MGLL: variants seen among roughly 807,000 people sequenced by gnomAD.
MGLL encodes monoglyceride lipase.
MGLL carries 7 observed loss-of-function variants against 29.1 expected under a neutral mutation model. That is an observed-to-expected ratio of 0.24 (90% CI 0.14 to 0.45). The LOEUF is 0.45. Among genes scored for constraint, MGLL ranks in the 20% least tolerant of loss-of-function variants. The pLI, the probability that MGLL is intolerant of heterozygous loss-of-function variation, is 0.99. For synonymous variants in MGLL, 148 were observed against 168.3 expected (o/e 0.88, Z 0.93); for missense variants, 356 against 413.6 (o/e 0.86, Z 1.21).
intron 2 of MGLL, among the ~76,000 whole-genome samples, chr3:127,794,448 G>A (rs1349418998): frequency 6.6e-6 from 1 of 152,104 alleles, no homozygotes; most frequent in Non-Finnish European, 1.5e-5. Context: ...TATGATGTAA[G>A]GATGTCTTAT....
intron 3 of MGLL, among the ~76,000 whole-genome samples, chr3:127,770,139 C>T (rs909992190): frequency 1.3e-5 from 2 of 152,228 alleles, no homozygotes; most frequent in Non-Finnish European, 2.9e-5. Context: ...CTTTCCACCT[C>T]AGCCTCCCAA....
At chr3:127,751,257 G>T (rs530990073) in intron 3 of MGLL, among the ~76,000 whole-genome samples, 1 of 152,170 alleles carries the variant, frequency 6.6e-6, no homozygotes, top group South Asian at 2.1e-4. Context: ...ATTTGCACCT[G>T]TCCATGCCGC....
At chr3:127,701,021 C>T (rs2075469573) in intron 6 of MGLL, among the ~76,000 whole-genome samples, 1 of 152,006 alleles carries the variant, frequency 6.6e-6, no homozygotes, top group Non-Finnish European at 1.5e-5. Context: ...TCAGAACCAG[C>T]CTGGGCAACA....
chr3:127,784,679 G>A (rs2077183932), intron 2 of MGLL, among the ~76,000 whole-genome samples: 1 of 152,106 alleles, frequency 6.6e-6, no homozygotes, highest in Non-Finnish European at 1.5e-5. Context: ...CCCACCTTTG[G>A]ACACCTGGAC....
At chr3:127,759,205 G>A (rs1576558125) in intron 3 of MGLL, among the ~76,000 whole-genome samples, 1 of 152,282 alleles carries the variant, frequency 6.6e-6, no homozygotes, top group East Asian at 1.9e-4. Context: ...GATTACAGGC[G>A]TGAGCCACTG....
chr3:127,727,031 T>C (rs998667804), intron 3 of MGLL, among the ~76,000 whole-genome samples: 2 of 152,238 alleles, frequency 1.3e-5, no homozygotes, highest in African/African-American at 2.4e-5. Context: ...TTGTTTGCTA[T>C]GTTCCTTTAG....
chr3:127,818,311 G>C (rs1158532109), intron 2 of MGLL, among the ~76,000 whole-genome samples: 1 of 152,140 alleles, frequency 6.6e-6, no homozygotes. Flanking sequence ...AGCCAGTCAG[G>C]CAAGGGCATA....
intron 2 of MGLL, among the ~76,000 whole-genome samples, chr3:127,793,152 A>T (rs1164725537): frequency 6.6e-6 from 1 of 152,216 alleles, no homozygotes; most frequent in African/African-American, 2.4e-5. Flanking sequence ...GAAATAAAGC[A>T]ATCGGAGTCG....
intron 2 of MGLL, 105 bp downstream of exon 2, chr3:127,821,589 C>A: frequency 7.7e-7 from 1 of 1,301,480 alleles, no homozygotes; most frequent in Non-Finnish European, 1.1e-6. Context: ...GGAAGTAGGT[C>A]ATAGAGAAAG....
At chr3:127,697,472 G>A (rs1576469963) in intron 6 of MGLL, among the ~76,000 whole-genome samples, 2 of 152,318 alleles carry the variant, frequency 1.3e-5, no homozygotes, top group South Asian at 2.1e-4. Context: ...CACAGAGGAG[G>A]AAACTAAGGC....
intron 3 of MGLL, among the ~76,000 whole-genome samples, chr3:127,741,837 G>C (rs2076346546): frequency 6.6e-6 from 1 of 152,228 alleles, no homozygotes; most frequent in African/African-American, 2.4e-5. Flanking sequence ...TGGGGGCTTA[G>C]AGTTGACTTG....
At chr3:127,694,915 G>C in intron 7 of MGLL, 60 bp downstream of exon 7, 1 of 1,556,542 alleles carries the variant, frequency 6.4e-7, no homozygotes. Flanking sequence ...GCCCCAAGGG[G>C]TGCTGCCTTC....
At position 127,761,688 on chromosome 3, in the gene MGLL, G is replaced by A. The variant is rs577011095; in HGVS notation, c.262+20101C>T. 6.6e-6 allele frequency among the ~76,000 whole-genome samples: 1 copy of A among 152,162 alleles called. No homozygotes were observed. On this transcript the variant is annotated intron_variant, in intron 3 of 7. Coordinates refer to ENST00000265052, the MANE Select transcript of MGLL (RefSeq NM_007283.7). The surrounding 1 kb of genome is among the most constrained non-coding windows in gnomAD (Gnocchi z 4.6). Reference sequence around the variant, plus strand: ...GCACAGAGAGGGCTGGCGCACAGCCGGCCGTGGGCAGAGCTGGACTGCCAC... The same window carrying A: ...GCACAGAGAGGGCTGGCGCACAGCCAGCCGTGGGCAGAGCTGGACTGCCAC...
chr3:127,755,611 G>A (rs1339396170), intron 3 of MGLL, among the ~76,000 whole-genome samples: 1 of 152,190 alleles, frequency 6.6e-6, no homozygotes, highest in Non-Finnish European at 1.5e-5. Context: ...TGCTCCGAAC[G>A]AGGACAAGGG....
intron 3 of MGLL, among the ~76,000 whole-genome samples, chr3:127,751,052 T>C (rs605188): frequency 0.54 from 81,809 of 151,988 alleles, 22,479 homozygotes; most frequent in Admixed American, 0.62. Context: ...TGTTTCTGGG[T>C]GTCTGGATTA....
intron 3 of MGLL, among the ~76,000 whole-genome samples, chr3:127,726,162 A>AAGAAAGAG (rs1470512450): frequency 1.0e-4 from 3 of 29,762 alleles, no homozygotes; most frequent in Non-Finnish European, 2.4e-4. Flanking sequence ...GAAAGAAAGA[A>AAGAAAGAG]AGAAAGAAAG....
At chr3:127,708,344 G>T (rs2075643328) in intron 6 of MGLL, among the ~76,000 whole-genome samples, 1 of 152,168 alleles carries the variant, frequency 6.6e-6, no homozygotes, top group South Asian at 2.1e-4. Context: ...TTCTCAGCAG[G>T]GACATTTATT....
intron 5 of MGLL, chr3:127,711,252 T>A (rs2075707142): frequency 5.7e-6 from 1 of 175,910 alleles, no homozygotes; most frequent in Admixed American, 5.4e-5. Flanking sequence ...GATTTCCACA[T>A]CGCTGAGCCT....
intron 6 of MGLL, among the ~76,000 whole-genome samples, chr3:127,697,474 A>C (rs1346619032): frequency 6.6e-6 from 1 of 152,192 alleles, no homozygotes; most frequent in Non-Finnish European, 1.5e-5. Context: ...CAGAGGAGGA[A>C]ACTAAGGCAC....
Sources: allele counts gnomAD v4.1 joint callset (sites outside exome capture counted in the v4.1 genomes callset), GRCh38; gene constraint gnomAD v4.1.1; non-coding constraint Gnocchi (gnomAD v3.1); transcripts MANE v1.5; gene names NCBI Gene and HGNC (gene_info 2026-07-23, HGNC 2026-07-21).